VIRMA: variants seen among roughly 807,000 people sequenced by gnomAD.
The protein encoded by VIRMA is protein virilizer homolog.
VIRMA carries 65 observed loss-of-function variants against 182.4 expected under a neutral mutation model. The ratio of observed to expected loss-of-function variants is 0.36; its 90% CI spans 0.29 to 0.44. The LOEUF (loss-of-function observed/expected upper bound fraction) is 0.44. Among genes scored for constraint, VIRMA ranks in the 20% least tolerant of loss-of-function variants. The pLI is 1.00. For synonymous variants in VIRMA, 709 were observed against 743.1 expected, an observed-to-expected ratio of 0.95 and a Z score of 0.75; for missense variants, 1,752 against 2,158.1, an observed-to-expected ratio of 0.81 and a Z score of 3.73.
At chr8:94,507,885 G>GTATATATGTATATATATGTA in intron 15 of VIRMA, among the ~76,000 whole-genome samples, 1 of 131,314 alleles carries the variant, frequency 7.6e-6, no homozygotes, top group South Asian at 2.9e-4. Flanking sequence ...ATATATACAT[G>GTATATATGTATATATATGTA]TATATATGTA....
intron 21 of VIRMA, 89 bp from the exon 22 acceptor site, chr8:94,491,998 T>G: frequency 2.1e-6 from 2 of 955,850 alleles, no homozygotes; most frequent in South Asian, 2.1e-5. Flanking sequence ...ATATTTCAGT[T>G]TTTTTGTACT....
intron 19 of VIRMA, among the ~76,000 whole-genome samples, chr8:94,495,162 A>G (rs1813727672): frequency 6.6e-6 from 1 of 152,072 alleles, no homozygotes; most frequent in Admixed American, 6.6e-5. Context: ...CACCACACCC[A>G]GCTAATTAAA....
At chr8:94,500,987 T>C (rs1813955804) in intron 16 of VIRMA, among the ~76,000 whole-genome samples, 1 of 152,126 alleles carries the variant, frequency 6.6e-6, no homozygotes, top group East Asian at 1.9e-4. Context: ...GGCTCATGAC[T>C]GTAATCCCAG....
chr8:94,524,254 G>C (rs3102862), intron 8 of VIRMA, among the ~76,000 whole-genome samples: 93,567 of 151,086 alleles, frequency 0.62, 29,299 homozygotes, highest in East Asian at 0.8. Flanking sequence ...CTGCCTTGGC[G>C]TCCCAAAGTG....
chr8:94,534,077 C>CATGGAG (rs1444778681), intron 5 of VIRMA: 1 of 152,146 alleles, frequency 6.6e-6, no homozygotes, highest in Non-Finnish European at 1.5e-5. Flanking sequence ...AGAAGAGATT[C>CATGGAG]TGAGAAACAT....
At position 94,499,536 on chromosome 8, in the gene VIRMA, T is replaced by C. The variant is rs369873095; in HGVS notation, c.4098-30A>G. ...AAATAAAGAAAATAAAGAGAAGATA[T>C]TATCTTAAAATATGAGCATATAAAA... On this transcript the variant is annotated intron_variant, in intron 16 of 23. Transcript: ENST00000297591. 1.0e-4 allele frequency: 136 copies of C among 1,366,290 alleles called. No homozygotes were observed. In the African/African-American group the frequency reaches 1.7e-3, roughly 17 times the overall value. 84.6% of individuals were successfully genotyped at this position (1,366,290 alleles called of 1,614,324 possible). A position where few individuals can be genotyped will look rare whatever the true frequency, so the allele number is the denominator to read the frequency against.
At position 94,498,270 on chromosome 8, in the gene VIRMA, A is replaced by G. The variant is rs535098266; in HGVS notation, c.4230+1104T>C. 3.4e-4 allele frequency: 52 copies of G among 152,366 alleles called. 2 individuals are homozygous for G. The highest frequency in any genetic ancestry group is 2.3e-3 in the South Asian group (11 of 4,830). 9.4% of individuals were successfully genotyped at this position (152,366 alleles called of 1,614,324 possible). On this transcript the variant is annotated intron_variant, in intron 17 of 23. Coordinates refer to ENST00000297591, the MANE Select transcript of VIRMA (RefSeq NM_015496.5). ...GAGAAATCTTAATTAAATTTTAACA[A>G]TAAGATTTTAGAGTGGGGAAAATAA...
intron 1 of VIRMA, chr8:94,546,838 A>T: frequency 2.3e-6 from 1 of 441,624 alleles, no homozygotes; most frequent in Non-Finnish European, 4.5e-6. Context: ...CTAAACTATA[A>T]ATGTACCACT....
At chr8:94,521,128 T>G (rs1250595042) in intron 8 of VIRMA, among the ~76,000 whole-genome samples, 3 of 152,128 alleles carry the variant, frequency 2.0e-5, no homozygotes, top group African/African-American at 7.2e-5. Flanking sequence ...CCATGGTGGT[T>G]TGCTGCACCT....
At chr8:94,495,036 C>G in intron 19 of VIRMA, 80 bp from the exon 20 acceptor site, 1 of 948,380 alleles carries the variant, frequency 1.1e-6, no homozygotes, top group South Asian at 1.3e-5. Context: ...CACAGTCTTG[C>G]TGTTACCCAG....
chr8:94,548,976 C>T (rs935452998), intron 1 of VIRMA, among the ~76,000 whole-genome samples: 19 of 24,522 alleles, frequency 7.7e-4, no homozygotes, highest in African/African-American at 3.2e-4. Flanking sequence ...GGCTGTCCTC[C>T]CAACTCCTGG....
chr8:94,526,209 C>A lies in VIRMA; in HGVS notation c.2021+14G>T, dbSNP rs1301646591. The A allele has an allele frequency of 1.9e-6, 3 of 1,544,056 alleles. No individual in the cohort carries two copies. The highest frequency in any genetic ancestry group is 2.2e-5 in the Admixed American group (1 of 45,902). On this transcript the variant is annotated intron_variant, in intron 8 of 23. Coordinates refer to ENST00000297591, the MANE Select transcript of VIRMA (RefSeq NM_015496.5). ...TTTGTGAAATTTATTTCCCAAAAGG[C>A]AAACATGTCTTACCTAAAGAGAACA...
At chr8:94,503,276 A>T (rs997520580) in intron 16 of VIRMA, among the ~76,000 whole-genome samples, 1 of 152,230 alleles carries the variant, frequency 6.6e-6, no homozygotes, top group South Asian at 2.1e-4. Context: ...TGGGAAATTA[A>T]TAAGTTTTCA....
At chr8:94,532,227 C>T (rs541700075) in intron 5 of VIRMA, among the ~76,000 whole-genome samples, 22 of 152,344 alleles carry the variant, frequency 1.4e-4, no homozygotes, top group African/African-American at 5.3e-4. Flanking sequence ...CTGCCTTAGC[C>T]TCCCAAGTAG....
Position 94,532,466 on chromosome 8 carries a change from G to A in VIRMA, c.485-1381C>T, listed in dbSNP as rs138885137. ...AAGGCTGTACACATGACATAAAAAC[G>A]CACAGAGTTACACATACACAAACAA... On this transcript the variant is annotated intron_variant, in intron 5 of 23. Transcript: ENST00000297591. 9.0e-3 allele frequency among the ~76,000 whole-genome samples: 1,369 copies of A among 152,282 alleles called. 32 individuals carry two copies. The highest frequency in any genetic ancestry group is 0.037 in the Admixed American group (568 of 15,296).
rs758929340 is a variant in VIRMA at position 94,543,836 on chromosome 8, C to G, written c.170G>C (p.Arg57Thr). ...AAGAGAGTTGACTTACCCATATGCT[C>G]TATTGTCTGGCAGACTGCTATGGGC... ...VRAHSSLPDN[R>T]AYGETSPHTF... The change falls in exon 2 of 24, where the codon AGA (arginine) becomes ACA (threonine). Residue 57 changes from arginine to threonine, a missense_variant. Physicochemically the swap from Arg to Thr is moderately conservative, Grantham distance 71. Coordinates refer to ENST00000297591, the MANE Select transcript of VIRMA (RefSeq NM_015496.5). 1 of 1,581,244 alleles carries G rather than the reference C, an allele frequency of 6.3e-7. No individual in the cohort carries two copies. The highest frequency in any genetic ancestry group is 8.7e-7 in the Non-Finnish European group (1 of 1,153,312).
intron 13 of VIRMA, 199 bp from the exon 14 acceptor site, chr8:94,510,851 T>C (rs1217324796): frequency 1.3e-6 from 1 of 796,862 alleles, no homozygotes; most frequent in East Asian, 2.7e-5. Flanking sequence ...TAGCAGTTAG[T>C]TGAGCAGAGT....
In VIRMA at chr8:94,529,311, A is replaced by G. The variant is rs760240115; in HGVS notation, c.639T>C (p.His213=). Reference sequence around the variant, plus strand: ...AAATGGGCTCAAAGTAATCTTCTCTATGAGGAGCATCCTCTTCCTTGTCAC... The same window carrying G: ...AAATGGGCTCAAAGTAATCTTCTCTGTGAGGAGCATCCTCTTCCTTGTCAC... ...VSGDKEEDAP[H]REDYFEPISP... is the part of the protein sequence containing the mutation. The change falls in exon 7 of 24, where the codon CAT becomes CAC. Residue 213 remains histidine, a synonymous_variant. Transcript: ENST00000297591. 21 of 1,611,782 alleles carry G rather than the reference A, an allele frequency of 1.3e-5. No homozygotes were observed. Among genetic ancestry groups the G allele is most frequent in the Non-Finnish European group, 1.2e-5 (14 of 1,177,950 alleles).
chr8:94,529,725 C>T (rs539491905), intron 6 of VIRMA, among the ~76,000 whole-genome samples: 2 of 152,118 alleles, frequency 1.3e-5, no homozygotes, highest in East Asian at 1.9e-4. Context: ...CTGCAACCTC[C>T]GCCTCCCAGG....
Sources: gnomAD v4.1 joint callset for allele counts (sites outside exome capture counted in the v4.1 genomes callset) on GRCh38, gnomAD v4.1.1 for gene constraint, MANE v1.5 for transcripts, NCBI Gene and HGNC (gene_info 2026-07-23, HGNC 2026-07-21) for gene names.